CBLB: variants seen among roughly 807,000 people sequenced by gnomAD.
CBLB encodes the protein E3 ubiquitin-protein ligase CBL-B.
A neutral mutation model predicts 104.9 loss-of-function variants in CBLB; 31 were observed. That is an observed-to-expected ratio of 0.30 (90% CI 0.22 to 0.40). The LOEUF is 0.40. Ranked by LOEUF, CBLB falls within the 10% of genes least tolerant of loss-of-function variation. CBLB has a pLI of 1.00. For missense variants in CBLB, 1,062 were observed against 1,214.6 expected, an observed-to-expected ratio of 0.87 and a Z score of 1.87; for synonymous variants, 440 against 422.6, an observed-to-expected ratio of 1.04 and a Z score of -0.51.
rs757641994 is a variant in CBLB, at chr3:105,690,189, T to C, written c.2054+3305A>G. The stretch of plus-strand genomic sequence containing the variant: ...GATTTAACATTGGAGTTTTCAACAT[T>C]TGTAAGAACTACAGAAGTGTATGTT... On this transcript the variant is annotated intron_variant, in intron 13 of 18. Transcript: ENST00000394030. Among the ~76,000 whole-genome samples, 19 of 152,228 alleles carry C rather than the reference T, an allele frequency of 1.2e-4. 1 individual carries two copies. The highest frequency in any genetic ancestry group is 2.2e-4 in the Non-Finnish European group (15 of 68,034).
intron 3 of CBLB, among the ~76,000 whole-genome samples, chr3:105,792,126 G>A (rs919692830): frequency 6.6e-6 from 1 of 152,180 alleles, no homozygotes; most frequent in Non-Finnish European, 1.5e-5. Flanking sequence ...TGCTGACTCA[G>A]AATATATACT....
intron 13 of CBLB, among the ~76,000 whole-genome samples, chr3:105,686,096 T>G (rs1034016716): frequency 1.3e-5 from 2 of 152,184 alleles, no homozygotes; most frequent in Admixed American, 6.5e-5. Flanking sequence ...GTACATTATT[T>G]TTATGGTTTA....
chr3:105,823,444 T>C (rs373046742), intron 3 of CBLB, among the ~76,000 whole-genome samples: 16 of 152,304 alleles, frequency 1.1e-4, no homozygotes, highest in African/African-American at 3.6e-4. Flanking sequence ...CAATTGAGCA[T>C]ATACATTTTC....
chr3:105,759,948 G>T (rs1426078248), intron 4 of CBLB, among the ~76,000 whole-genome samples: 8 of 152,208 alleles, frequency 5.3e-5, no homozygotes, highest in Admixed American at 5.2e-4. Context: ...AGCCACTCCA[G>T]ATGGGCAGCT....
At chr3:105,704,765 A>C (rs1173016626) in intron 10 of CBLB, among the ~76,000 whole-genome samples, 2 of 151,824 alleles carry the variant, frequency 1.3e-5, no homozygotes. Flanking sequence ...AACACAATGA[A>C]CTATATCTAG....
chr3:105,719,515 G>T (rs1448885581), intron 10 of CBLB, among the ~76,000 whole-genome samples: 3 of 152,166 alleles, frequency 2.0e-5, no homozygotes, highest in Non-Finnish European at 4.4e-5. Flanking sequence ...ATTGCCTGGT[G>T]GGTGACATCA....
chr3:105,737,737 C>A (rs776652760), intron 7 of CBLB, among the ~76,000 whole-genome samples: 1 of 152,102 alleles, frequency 6.6e-6, no homozygotes, highest in Non-Finnish European at 1.5e-5. Flanking sequence ...CTGTGGTATT[C>A]CTGTTTCTAC....
chr3:105,706,718 C>T lies in CBLB; in HGVS notation c.1408-2545G>A, dbSNP rs968923915. ...TGAAAAAAATGCTTTGTTGATATGG[C>T]TACTCTCCTTTACAAAGAAGAATCA... On this transcript the variant is annotated intron_variant, in intron 10 of 18. Coordinates refer to ENST00000394030, the MANE Select transcript of CBLB (RefSeq NM_170662.5). 3.3e-5 allele frequency among the ~76,000 whole-genome samples: 5 copies of T among 152,150 alleles called. No individual in the cohort carries two copies. The East Asian group carries it at 9.6e-4, about 29-fold the overall frequency.
At chr3:105,813,893 C>T (rs866457287) in intron 3 of CBLB, among the ~76,000 whole-genome samples, 9 of 152,154 alleles carry the variant, frequency 5.9e-5, no homozygotes, top group Admixed American at 1.3e-4. Context: ...TCCTCTTCAA[C>T]ACTGGCAGCA....
In CBLB at chr3:105,785,221, T is replaced by A. The variant is rs189924683; in HGVS notation, c.420-8679A>T. 1.0e-3 allele frequency among the ~76,000 whole-genome samples: 158 copies of A among 152,326 alleles called. 3 individuals carry two copies. The highest frequency in any genetic ancestry group is 3.4e-3 in the African/African-American group (143 of 41,576). On this transcript the variant is annotated intron_variant, in intron 3 of 18. Coordinates refer to ENST00000394030, the MANE Select transcript of CBLB (RefSeq NM_170662.5). Reference sequence around the variant, plus strand: ...TAATTTCAAAGATTATAAAAAATATTTTTAAACTATAAGGAATAATTTGCT... The same window carrying A: ...TAATTTCAAAGATTATAAAAAATATATTTAAACTATAAGGAATAATTTGCT...
Position 105,675,840 on chromosome 3 carries a change from G to A in CBLB, c.2569+2591C>T, listed in dbSNP as rs187021324. ...GCAGAGGTTGCAGTGAACTGAGATC[G>A]CACCACTGTACTCCAGCCTGGGCAA... is the stretch of plus-strand genomic sequence containing the variant. On this transcript the variant is annotated intron_variant, in intron 17 of 18. Transcript: ENST00000394030. Among the ~76,000 whole-genome samples, 50 of 129,258 alleles carry A rather than the reference G, an allele frequency of 3.9e-4. No homozygotes were observed. The East Asian group carries it at 9.5e-3, about 25-fold the overall frequency. 84.8% of individuals were successfully genotyped at this position (129,258 alleles called of 152,430 possible). A position where few individuals can be genotyped will look rare whatever the true frequency, so the allele number is the denominator to read the frequency against.
intron 3 of CBLB, among the ~76,000 whole-genome samples, chr3:105,809,149 A>G (rs1195461877): frequency 1.3e-5 from 2 of 152,240 alleles, no homozygotes; most frequent in African/African-American, 4.8e-5. Context: ...AGACAAATAC[A>G]CACATAAAGC....
chr3:105,803,003 G>A (rs562054648), intron 3 of CBLB, among the ~76,000 whole-genome samples: 13 of 152,068 alleles, frequency 8.5e-5, no homozygotes, highest in African/African-American at 2.7e-4. Context: ...ATTTAAACCC[G>A]TAGTGTTGAT....
chr3:105,685,376 G>T lies in CBLB; in HGVS notation c.2145C>A (p.His715Gln). ...DDDEYKIPSS[H>Q]PVSLNSQPSH... The stretch of plus-strand genomic sequence containing the variant: ...ATGGTTGTGAATTCAGGGAAACAGG[G>T]TGGGATGAAGGAATCTTGTATTCAT... The change falls in exon 14 of 19, where the codon CAC (histidine) becomes CAA (glutamine). Residue 715 changes from histidine to glutamine, a missense_variant. Physicochemically the swap from His to Gln is conservative, Grantham distance 24. Transcript: ENST00000394030. 1 of 1,612,988 alleles carries T rather than the reference G, an allele frequency of 6.2e-7. No homozygotes were observed.
intron 3 of CBLB, among the ~76,000 whole-genome samples, chr3:105,799,341 C>T (rs532573454): frequency 6.6e-6 from 1 of 152,184 alleles, no homozygotes; most frequent in Admixed American, 6.5e-5. Context: ...AACATTAGAG[C>T]ATGGAAAAGC....
intron 3 of CBLB, among the ~76,000 whole-genome samples, chr3:105,792,078 T>G (rs776316881): frequency 3.3e-5 from 5 of 152,164 alleles, no homozygotes; most frequent in Non-Finnish European, 7.3e-5. Flanking sequence ...ACCTCAGAGC[T>G]TGTTAAAAAT....
intron 10 of CBLB, among the ~76,000 whole-genome samples, chr3:105,706,401 A>G (rs191430353): frequency 2.0e-5 from 3 of 152,300 alleles, no homozygotes; most frequent in Non-Finnish European, 4.4e-5. Context: ...TCACTGAAGG[A>G]GAAAATAAAG....
In CBLB at chr3:105,655,640, G is replaced by GA. The variant is rs2063291542; in HGVS notation, c.*3329dup. ...AAAAAACAATAAAATAGTAATTGGG[G>GA]AAAAAACCCTTCACTCTATTGGTGT... On this transcript the variant is annotated 3_prime_UTR_variant, in exon 19 of 19. Coordinates refer to ENST00000394030, the MANE Select transcript of CBLB (RefSeq NM_170662.5). 1.0e-5 allele frequency: 2 copies of GA among 192,518 alleles called. No individual in the cohort carries two copies. Among genetic ancestry groups the GA allele is most frequent in the Non-Finnish European group, 2.2e-5 (2 of 92,060 alleles). The allele number at this position is 192,518 out of a possible 1,614,324, so 11.9% of individuals were successfully genotyped here. A position where few individuals can be genotyped will look rare whatever the true frequency, so the allele number is the denominator to read the frequency against.
intron 3 of CBLB, among the ~76,000 whole-genome samples, chr3:105,789,617 A>C (rs2081408238): frequency 6.6e-6 from 1 of 152,180 alleles, no homozygotes; most frequent in Non-Finnish European, 1.5e-5. Context: ...ACAAGTTTTA[A>C]GTTCTCAAAG....
Sources: allele counts gnomAD v4.1 joint callset (sites outside exome capture counted in the v4.1 genomes callset), GRCh38; gene constraint gnomAD v4.1.1; transcripts MANE v1.5; gene names NCBI Gene and HGNC (gene_info 2026-07-23, HGNC 2026-07-21).